Variants in ASAP1 observed in about 807,000 individuals in gnomAD.
The protein encoded by ASAP1 is ArfGAP with SH3 domain, ankyrin repeat and PH domain 1, also known as arf-GAP with SH3 domain, ANK repeat and PH domain-containing protein 1.
ASAP1 carries 43 observed loss-of-function variants against 145.2 expected under a neutral mutation model. That is an observed-to-expected ratio of 0.30 (90% CI 0.23 to 0.38). ASAP1 has a LOEUF of 0.38. ASAP1 is among the 10% of genes least tolerant of loss of function. The pLI is 1.00. For missense variants in ASAP1, 1,018 were observed against 1,355.3 expected (o/e 0.75, Z 3.91); for synonymous variants, 546 against 515.5 (o/e 1.06, Z -0.80).
chr8:130,421,851 T>C (rs997446087), intron 1 of ASAP1, among the ~76,000 whole-genome samples: 6 of 152,228 alleles, frequency 3.9e-5, no homozygotes, highest in Non-Finnish European at 8.8e-5. Flanking sequence ...TCTACTGAAT[T>C]GAATTACAGA....
intron 1 of ASAP1, among the ~76,000 whole-genome samples, chr8:130,440,275 C>T (rs951677601): frequency 1.3e-5 from 2 of 152,096 alleles, no homozygotes; most frequent in Admixed American, 6.6e-5. Context: ...ATCAGGCTGG[C>T]CATGGTCGCT....
intron 3 of ASAP1, among the ~76,000 whole-genome samples, chr8:130,260,104 G>A (rs1819804627): frequency 6.6e-6 from 1 of 152,126 alleles, no homozygotes; most frequent in Admixed American, 6.6e-5. Context: ...AAGAATCTAT[G>A]TTTTTCTTTC....
At chr8:130,310,902 T>C (rs1823301118) in intron 3 of ASAP1, among the ~76,000 whole-genome samples, 1 of 152,244 alleles carries the variant, frequency 6.6e-6, no homozygotes, top group African/African-American at 2.4e-5. Flanking sequence ...AAGTTACACT[T>C]TGAGAACCCA....
intron 27 of ASAP1, among the ~76,000 whole-genome samples, chr8:130,072,824 T>TGTGTGTGTGTGTGTGTGTGTGTGCACGC: frequency 6.2e-5 from 2 of 32,316 alleles, no homozygotes; most frequent in Non-Finnish European, 5.7e-5. Flanking sequence ...TGTGTGTGTG[T>TGTGTGTGTGTGTGTGTGTGTGTGCACGC]GCGCGCGGGG....
Position 130,180,665 on chromosome 8 carries a change from G to A in ASAP1, c.660+86C>T, listed in dbSNP as rs1019618446. ...CCTCTCTAATAATCAAACAGAGTCT[G>A]CCTTTAAGCATAAAGACTGCTGACT... On this transcript the variant is annotated intron_variant, in intron 8 of 29. Transcript: ENST00000518721. 4.2e-6 allele frequency: 6 copies of A among 1,430,408 alleles called. No homozygotes were observed. The Admixed American group carries it at 8.8e-5, about 21-fold the overall frequency. 88.6% of individuals were successfully genotyped at this position (1,430,408 alleles called of 1,614,324 possible).
intron 3 of ASAP1, among the ~76,000 whole-genome samples, chr8:130,256,454 T>A (rs1029244238): frequency 5.3e-5 from 8 of 151,894 alleles, no homozygotes; most frequent in Non-Finnish European, 1.2e-4. Flanking sequence ...ATTCATTCAT[T>A]TGGCACAATA....
intron 1 of ASAP1, among the ~76,000 whole-genome samples, chr8:130,419,398 C>G (rs1829624172): frequency 6.6e-6 from 1 of 152,194 alleles, no homozygotes; most frequent in Non-Finnish European, 1.5e-5. Flanking sequence ...AAAGCCCTTT[C>G]TCTTTTGTCC....
At chr8:130,192,482 A>G (rs1313375385) in intron 5 of ASAP1, among the ~76,000 whole-genome samples, 1 of 152,182 alleles carries the variant, frequency 6.6e-6, no homozygotes, top group Non-Finnish European at 1.5e-5. Flanking sequence ...TTCTACACAG[A>G]TAGCTGAAAT....
chr8:130,403,538 T>A (rs928630918), intron 1 of ASAP1, among the ~76,000 whole-genome samples: 10 of 136,036 alleles, frequency 7.4e-5, no homozygotes, highest in African/African-American at 2.8e-4. Flanking sequence ...CCATAAGACA[T>A]TTTCTTTTTC....
intron 12 of ASAP1, among the ~76,000 whole-genome samples, chr8:130,153,976 T>G (rs1353866845): frequency 6.6e-6 from 1 of 152,132 alleles, no homozygotes; most frequent in Non-Finnish European, 1.5e-5. Flanking sequence ...GGAGGACTGC[T>G]TCAGCCCAGG....
At chr8:130,256,781 A>ATC (rs1346572255) in intron 3 of ASAP1, among the ~76,000 whole-genome samples, 6 of 112,628 alleles carry the variant, frequency 5.3e-5, no homozygotes, top group African/African-American at 9.7e-5. Flanking sequence ...ATATATATAT[A>ATC]TCCTTATATA....
At chr8:130,057,858 C>T in intron 29 of ASAP1, 96 bp downstream of exon 29, 3 of 1,496,666 alleles carry the variant, frequency 2.0e-6, no homozygotes, top group Non-Finnish European at 2.7e-6. Context: ...TGCTCAAGAG[C>T]CCTCTTTTAC....
chr8:130,183,443 C>T (rs1023903522), intron 7 of ASAP1, among the ~76,000 whole-genome samples: 3 of 152,032 alleles, frequency 2.0e-5, no homozygotes, highest in African/African-American at 2.4e-5. Flanking sequence ...TGGGTTCAAG[C>T]GATTCTCCTG....
intron 9 of ASAP1, among the ~76,000 whole-genome samples, chr8:130,178,064 A>G (rs1814087807): frequency 6.6e-6 from 1 of 152,262 alleles, no homozygotes; most frequent in Non-Finnish European, 1.5e-5. Context: ...TTGACATAAT[A>G]TTAATGCTGA....
chr8:130,128,139 A>ATTTTT (rs745416119), intron 15 of ASAP1, 49 bp from the exon 16 acceptor site: 16 of 179,474 alleles, frequency 8.9e-5, no homozygotes, highest in South Asian at 2.9e-4. Context: ...GAGCATGGTC[A>ATTTTT]TTTTTTTTTT....
At chr8:130,332,790 T>C (rs1222536268) in intron 3 of ASAP1, among the ~76,000 whole-genome samples, 1 of 152,186 alleles carries the variant, frequency 6.6e-6, no homozygotes. Context: ...AATATGTCAA[T>C]GACTGATTCT....
rs190610206 is a variant in ASAP1, at chr8:130,069,303, T to C, written c.2701+7045A>G. Among the ~76,000 whole-genome samples, 376 of 152,328 alleles carry C rather than the reference T, an allele frequency of 2.5e-3. 1 individual carries two copies. The highest frequency in any genetic ancestry group is 8.7e-3 in the African/African-American group (361 of 41,574). ...CAGGCTGGAGTGCAGTGGCGTGATCTTAGCTCATTGCAATCTCTGCCTCCC... is the reference window on the plus strand; with the variant it reads ...CAGGCTGGAGTGCAGTGGCGTGATCCTAGCTCATTGCAATCTCTGCCTCCC... On this transcript the variant is annotated intron_variant, in intron 27 of 29. Coordinates refer to ENST00000518721, the MANE Select transcript of ASAP1 (RefSeq NM_018482.4).
At chr8:130,250,710 A>G (rs995128549) in intron 3 of ASAP1, among the ~76,000 whole-genome samples, 1 of 152,126 alleles carries the variant, frequency 6.6e-6, no homozygotes, top group African/African-American at 2.4e-5. Flanking sequence ...TTGCATAAAG[A>G]TGATTACTAA....
intron 24 of ASAP1, among the ~76,000 whole-genome samples, chr8:130,108,824 G>A (rs1397865297): frequency 8.2e-6 from 1 of 121,834 alleles, no homozygotes; most frequent in Non-Finnish European, 1.6e-5. Context: ...TGCCCAGGCT[G>A]GAGTGCAATG....
Sources: gnomAD v4.1 joint callset for allele counts (sites outside exome capture counted in the v4.1 genomes callset) on GRCh38, gnomAD v4.1.1 for gene constraint, MANE v1.5 for transcripts, NCBI Gene and HGNC (gene_info 2026-07-23, HGNC 2026-07-21) for gene names.